Variants in TRIP10 observed in about 807,000 individuals in gnomAD.
The protein encoded by TRIP10 is thyroid hormone receptor interactor 10, also known as cdc42-interacting protein 4.
TRIP10 carries 54 observed loss-of-function variants against 80.9 expected under a neutral mutation model. The ratio of observed to expected loss-of-function variants is 0.67; its 90% confidence interval spans 0.54 to 0.84. The LOEUF (loss-of-function observed/expected upper bound fraction) is 0.84, where lower values mean the gene tolerates loss of function less well. Ranked by LOEUF, TRIP10 falls within the 40% of genes least tolerant of loss-of-function variation. The pLI is 0.00. For synonymous variants in TRIP10, 321 were observed against 307.2 expected (o/e 1.04, Z -0.47); for missense variants, 773 against 815.3 (o/e 0.95, Z 0.63).
intron 11 of TRIP10, 146 bp from the exon 12 acceptor site, chr19:6,749,788 T>C: frequency 2.6e-6 from 3 of 1,163,864 alleles, no homozygotes; most frequent in Non-Finnish European, 3.6e-6. Context: ...GAGGTTAAGG[T>C]TGCAGTGAGC....
Position 6,744,392 on chromosome 19 carries a change from A to C in TRIP10, c.643-162A>C, listed in dbSNP as rs565676698. Among the ~76,000 whole-genome samples the C allele has an allele frequency of 2.6e-4, 40 of 152,062 alleles. No homozygotes were observed. Among genetic ancestry groups the C allele is most frequent in the African/African-American group, 9.2e-4 (38 of 41,462 alleles). ...CCCCCTGGCCCTGTGTCTCTTCCCC[A>C]ACCACAGTGGGCTGGAGTCTCTCTT... On this transcript the variant is annotated intron_variant, in intron 7 of 14. Coordinates refer to ENST00000313244, the MANE Select transcript of TRIP10 (RefSeq NM_001288962.2). This position sits in a 1 kb window ranked among gnomAD's most constrained non-coding sequence, Gnocchi z 4.9.
In TRIP10 at chr19:6,751,007, A is replaced by T. The variant is rs187902260; in HGVS notation, c.1658-56A>T. On this transcript the variant is annotated intron_variant, in intron 14 of 14. Coordinates refer to ENST00000313244, the MANE Select transcript of TRIP10 (RefSeq NM_001288962.2). ...AGGCTCTGTCTCAAAAATAAAAAAT[A>T]AAAATAATAAATTTTGCCTAAAGCA... is the stretch of plus-strand genomic sequence containing the variant. The T allele has an allele frequency of 1.0e-4, 152 of 1,465,006 alleles. No homozygotes were observed. In the Admixed American group the frequency reaches 3.6e-3, roughly 35 times the overall value. 90.8% of individuals were successfully genotyped at this position (1,465,006 alleles called of 1,614,324 possible).
In TRIP10 at chr19:6,749,983, G is replaced by A. The variant is rs1340269248; in HGVS notation, c.1312G>A (p.Gly438Arg). The part of the protein sequence containing the change: ...KDVYEKTPQM[G>R]DPASLEPQIA... ...TGTCTATGAGAAGACACCTCAGATG[G>A]GGGACCCCGCCAGCTTGGAGCCCCA... The change falls in exon 12 of 15, where the codon GGG becomes AGG. Residue 438 changes from glycine to arginine, a missense_variant. Transcript: ENST00000313244. 1 of 1,614,146 alleles carries A rather than the reference G, an allele frequency of 6.2e-7. No individual in the cohort carries two copies. Among genetic ancestry groups the A allele is most frequent in the Non-Finnish European group, 8.5e-7 (1 of 1,180,010 alleles).
chr19:6,749,483 C>T (rs940715187), intron 11 of TRIP10, among the ~76,000 whole-genome samples: 14 of 152,194 alleles, frequency 9.2e-5, no homozygotes, highest in African/African-American at 3.1e-4. Flanking sequence ...CGAACCCAGG[C>T]AGTCGGGCAC....
intron 11 of TRIP10, chr19:6,748,404 G>A (rs891600744): frequency 6.6e-6 from 1 of 152,092 alleles, no homozygotes; most frequent in African/African-American, 2.4e-5. Flanking sequence ...ACGACAAACT[G>A]GACTTGATTT....
In TRIP10 at chr19:6,750,145, C is replaced by T. The variant is rs975319619; in HGVS notation, c.1395+79C>T. ...GCTGGGTGGGGTGGGGGGTCGGGGA[C>T]AGGGGAGGTGTTCGGAGCGGGGGGT... On this transcript the variant is annotated intron_variant, in intron 12 of 14. Transcript: ENST00000313244. The T allele has an allele frequency of 1.7e-5, 26 of 1,544,068 alleles. No homozygotes were observed. The African/African-American group carries it at 1.9e-4, about 11-fold the overall frequency.
chr19:6,743,361 C>T (rs1599559670), intron 5 of TRIP10, 105 bp downstream of exon 5: 1 of 1,526,734 alleles, frequency 6.5e-7, no homozygotes, highest in East Asian at 2.3e-5. Context: ...GACCTTCCCT[C>T]CCCCATAGGC....
rs1409149879 is a variant in TRIP10 at position 6,743,101 on chromosome 19, A to C, written c.332A>C (p.Gln111Pro). 1.9e-6 allele frequency: 3 copies of C among 1,614,060 alleles called. No individual in the cohort carries two copies. Among genetic ancestry groups the C allele is most frequent in the Non-Finnish European group, 2.5e-6 (3 of 1,180,032 alleles). Residue 111 changes from glutamine (Q) to proline (P), a missense_variant, in exon 4 of 15, where the codon CAG (glutamine) becomes CCG (proline). Transcript: ENST00000313244. ...ELTKYSQEMK[Q>P]ERKMHFQEGR... ...ACCAAGTACTCACAAGAGATGAAAC[A>C]GGAGAGGAAGATGGTGAGGAGCCCC...
chr19:6,746,003 T>TCCCCCACCCCCGCCCC lies in TRIP10; in HGVS notation c.985-21_985-20insACCCCCGCCCCCCCCC. 2.5e-6 allele frequency: 1 copy of TCCCCCACCCCCGCCCC among 396,724 alleles called. No individual in the cohort carries two copies. Among genetic ancestry groups the TCCCCCACCCCCGCCCC allele is most frequent in the Non-Finnish European group, 3.1e-6 (1 of 324,786 alleles). The allele number at this position is 396,724 out of a possible 1,614,324, so 24.6% of individuals were successfully genotyped here. On this transcript the variant is annotated intron_variant, in intron 9 of 14. Coordinates refer to ENST00000313244, the MANE Select transcript of TRIP10 (RefSeq NM_001288962.2). The surrounding 1 kb of genome is among the most constrained non-coding windows in gnomAD (Gnocchi z 6.2). ...TATGCCCCCCCACCCCTTCAACCTA[T>TCCCCCACCCCCGCCCC]CCCCCTCCCCGGCCCCCGCCGGTAG...
rs1183562809 is a variant in TRIP10, at chr19:6,744,757, A to G, written c.790-43A>G. The stretch of plus-strand genomic sequence containing the variant: ...GGGAAGGGCAGAGGGAGGTACCCAT[A>G]GGCTAGGCACTCGACTGCTCATCCA... On this transcript the variant is annotated intron_variant, in intron 8 of 14. Coordinates refer to ENST00000313244, the MANE Select transcript of TRIP10 (RefSeq NM_001288962.2). This position sits in a 1 kb window ranked among gnomAD's most constrained non-coding sequence, Gnocchi z 4.9. 1.1e-5 allele frequency: 18 copies of G among 1,595,848 alleles called. No individual in the cohort carries two copies. Among genetic ancestry groups the G allele is most frequent in the Admixed American group, 3.4e-5 (2 of 58,822 alleles).
At position 6,744,643 on chromosome 19, in the gene TRIP10, A is replaced by G. The variant is rs766231713; in HGVS notation, c.732A>G (p.Ile244Met). 6.2e-7 allele frequency: 1 copy of G among 1,613,360 alleles called. No homozygotes were observed. Among genetic ancestry groups the G allele is most frequent in the Non-Finnish European group, 8.5e-7 (1 of 1,179,690 alleles). Residue 244 changes from isoleucine to methionine, a missense_variant, in exon 8 of 15, where the codon ATA becomes ATG. Coordinates refer to ENST00000313244, the MANE Select transcript of TRIP10 (RefSeq NM_001288962.2). The surrounding 1 kb of genome is among the most constrained non-coding windows in gnomAD (Gnocchi z 4.9). ...LSEAELEVVP[I>M]IAKCLEGMKV... ...AGGCCGAGCTGGAGGTGGTGCCCAT[A>G]ATAGCCAAGTGCTTGGAGGGCATGA...
Position 6,746,724 on chromosome 19 carries a change from C to T in TRIP10, c.1262+163C>T, listed in dbSNP as rs1480816366. Among the ~76,000 whole-genome samples, 1 of 152,134 alleles carries T rather than the reference C, an allele frequency of 6.6e-6. No homozygotes were observed. Among genetic ancestry groups the T allele is most frequent in the Non-Finnish European group, 1.5e-5 (1 of 68,026 alleles). ...CTGGAGTGCAGTGCTGTGATCTTAG[C>T]TCACTGCAATCGCCACATCCCAGGT... On this transcript the variant is annotated intron_variant, in intron 11 of 14. Coordinates refer to ENST00000313244, the MANE Select transcript of TRIP10 (RefSeq NM_001288962.2). The surrounding 1 kb of genome is among the most constrained non-coding windows in gnomAD (Gnocchi z 6.2).
chr19:6,741,192 G>A (rs1438405550), intron 2 of TRIP10, 33 bp from the exon 3 acceptor site: 1 of 1,613,066 alleles, frequency 6.2e-7, no homozygotes, highest in Admixed American at 1.7e-5. Context: ...GGAGGGCTGC[G>A]GGCTCAGCCC....
intron 1 of TRIP10, among the ~76,000 whole-genome samples, chr19:6,740,241 C>T (rs563863511): frequency 2.4e-4 from 36 of 152,336 alleles, no homozygotes; most frequent in African/African-American, 8.4e-4. Flanking sequence ...CTTTAATCAA[C>T]ACCTAGGGGC....
chr19:6,751,044 AC>A lies in TRIP10; in HGVS notation c.1658-14del. The A allele has an allele frequency of 1.4e-6, 2 of 1,453,192 alleles. No homozygotes were observed. Among genetic ancestry groups the A allele is most frequent in the South Asian group, 1.4e-5 (1 of 72,304 alleles). The allele number at this position is 1,453,192 out of a possible 1,614,324, so 90.0% of individuals were successfully genotyped here. A position where few individuals can be genotyped will look rare whatever the true frequency, so the allele number is the denominator to read the frequency against. On this transcript the variant is annotated intron_variant, in intron 14 of 14. Transcript: ENST00000313244. ...TTTTGCCTAAAGCAGATCTGGGCCC[AC>A]CCCCACCCCCATCACAGGGTCCAGC...
At chr19:6,749,796 A>G in intron 11 of TRIP10, 138 bp from the exon 12 acceptor site, 1 of 1,242,354 alleles carries the variant, frequency 8.0e-7, no homozygotes, top group Non-Finnish European at 1.1e-6. Flanking sequence ...GGTTGCAGTG[A>G]GCCATGATTG....
Position 6,743,790 on chromosome 19 carries a change from G to T in TRIP10, c.596G>T (p.Arg199Leu). 6.2e-7 allele frequency: 1 copy of T among 1,614,004 alleles called. No homozygotes were observed. The highest frequency in any genetic ancestry group is 8.5e-7 in the Non-Finnish European group (1 of 1,180,022). Residue 199 changes from arginine (R) to leucine (L), a missense_variant, in exon 7 of 15, where the codon CGA becomes CTA. Transcript: ENST00000313244. ...GCGGCTCAACTGCAGCGCTTCAACC[G>T]AGACCAAGCCCACTTCTATTTTTCA... is the stretch of plus-strand genomic sequence containing the variant. ...EYAAQLQRFN[R>L]DQAHFYFSQM...
In TRIP10 at chr19:6,746,220, G is replaced by A. The variant is rs1259607124; in HGVS notation, c.1152+24G>A. 2.7e-6 allele frequency: 4 copies of A among 1,509,196 alleles called. No individual in the cohort carries two copies. In the Admixed American group the frequency reaches 8.6e-5, roughly 32 times the overall value. 93.5% of individuals were successfully genotyped at this position (1,509,196 alleles called of 1,614,324 possible). A position where few individuals can be genotyped will look rare whatever the true frequency, so the allele number is the denominator to read the frequency against. On this transcript the variant is annotated intron_variant, in intron 10 of 14. Coordinates refer to ENST00000313244, the MANE Select transcript of TRIP10 (RefSeq NM_001288962.2). The surrounding 1 kb of genome is among the most constrained non-coding windows in gnomAD (Gnocchi z 6.2). ...GGGTAAGTGAGGCCTCGGGGCAGGA[G>A]GAGGTGGTGGCCCTAGCCTGCCCAG...
rs1482429887 is a variant in TRIP10 at position 6,751,167 on chromosome 19, G to A, written c.1762G>A (p.Glu588Lys). ...WTRVRRKEGGEGYVPTSYLRV... is the reference protein window; with the variant it reads ...WTRVRRKEGGKGYVPTSYLRV... Reference sequence around the variant, plus strand: ...CCGGGTCAGGCGGAAAGAGGGAGGCGAGGGCTACGTGCCCACCTCCTACCT... The same window carrying A: ...CCGGGTCAGGCGGAAAGAGGGAGGCAAGGGCTACGTGCCCACCTCCTACCT... The change falls in exon 15 of 15, where the codon GAG (glutamate) becomes AAG (lysine). Residue 588 changes from glutamate (E) to lysine (K), a missense_variant. Coordinates refer to ENST00000313244, the MANE Select transcript of TRIP10 (RefSeq NM_001288962.2). 2.5e-6 allele frequency: 4 copies of A among 1,613,724 alleles called. No individual in the cohort carries two copies. Among genetic ancestry groups the A allele is most frequent in the East Asian group, 2.2e-5 (1 of 44,868 alleles).
Sources: allele counts gnomAD v4.1 joint callset (sites outside exome capture counted in the v4.1 genomes callset), GRCh38; gene constraint gnomAD v4.1.1; non-coding constraint Gnocchi (gnomAD v3.1); transcripts MANE v1.5; gene names NCBI Gene and HGNC (gene_info 2026-07-23, HGNC 2026-07-21).